Variants in PPP2R5A observed in about 807,000 individuals in gnomAD.
The protein encoded by PPP2R5A is serine/threonine-protein phosphatase 2A 56 kDa regulatory subunit alpha isoform.
In PPP2R5A, 25 loss-of-function variants were observed where a neutral mutation model predicts 64.2. That is an observed-to-expected ratio of 0.39 (90% confidence interval 0.28 to 0.54). The LOEUF (loss-of-function observed/expected upper bound fraction) is 0.54, where lower values mean the gene tolerates loss of function less well. Ranked by LOEUF, PPP2R5A falls within the 20% of genes least tolerant of loss-of-function variation. PPP2R5A has a pLI of 0.67. For synonymous variants in PPP2R5A, 198 were observed against 201.2 expected (o/e 0.98, Z 0.13); for missense variants, 425 against 576.3 (o/e 0.74, Z 2.69).
intron 1 of PPP2R5A, among the ~76,000 whole-genome samples, chr1:212,295,217 A>G (rs974715333): frequency 6.6e-6 from 1 of 152,192 alleles, no homozygotes; most frequent in Non-Finnish European, 1.5e-5. Flanking sequence ...TAATCCAGAC[A>G]AGAGATAAAG....
At chr1:212,316,973 A>T (rs1270029239) in intron 1 of PPP2R5A, among the ~76,000 whole-genome samples, 1 of 152,172 alleles carries the variant, frequency 6.6e-6, no homozygotes, top group African/African-American at 2.4e-5. Context: ...ACTCTTCAGC[A>T]AGTCCAGACT....
intron 1 of PPP2R5A, chr1:212,306,733 C>CCATTTA: frequency 7.3e-6 from 1 of 137,028 alleles, no homozygotes; most frequent in Middle Eastern, 3.5e-3. Context: ...CTTGGTTAAT[C>CCATTTA]CATTTACATT....
intron 1 of PPP2R5A, among the ~76,000 whole-genome samples, chr1:212,296,717 A>G (rs1226274708): frequency 6.6e-6 from 1 of 152,242 alleles, no homozygotes; most frequent in Non-Finnish European, 1.5e-5. Flanking sequence ...TAGATAGTCA[A>G]TGCTGTTTTA....
chr1:212,355,395 CA>C (rs1383896353), intron 8 of PPP2R5A, among the ~76,000 whole-genome samples: 1 of 152,012 alleles, frequency 6.6e-6, no homozygotes, highest in Non-Finnish European at 1.5e-5. Flanking sequence ...GGATTGTCTC[CA>C]AAACAGTATC....
At chr1:212,336,534 C>A (rs1480591920) in intron 3 of PPP2R5A, among the ~76,000 whole-genome samples, 1 of 152,170 alleles carries the variant, frequency 6.6e-6, no homozygotes, top group African/African-American at 2.4e-5. Flanking sequence ...GTTAAAAAAT[C>A]TTTCTGAAAA....
intron 1 of PPP2R5A, among the ~76,000 whole-genome samples, chr1:212,320,393 C>T (rs1259894777): frequency 6.6e-6 from 1 of 152,186 alleles, no homozygotes; most frequent in Non-Finnish European, 1.5e-5. Context: ...CTTTTCCCCA[C>T]CTTTCCCCCC....
Position 212,347,417 on chromosome 1 carries a change from T to C in PPP2R5A, c.764+11T>C. The C allele has an allele frequency of 6.4e-7, 1 of 1,573,536 alleles. No homozygotes were observed. Among genetic ancestry groups the C allele is most frequent in the Non-Finnish European group, 8.7e-7 (1 of 1,148,086 alleles). ...TGAAATATTAGGAAGGTAGGTCAGG[T>C]TTTTTTGTTCTTTTTAAGAATTAAG... On this transcript the variant is annotated intron_variant, in intron 6 of 12. Coordinates refer to ENST00000261461, the MANE Select transcript of PPP2R5A (RefSeq NM_006243.4).
intron 1 of PPP2R5A, among the ~76,000 whole-genome samples, chr1:212,321,453 G>C (rs1237929409): frequency 2.1e-5 from 3 of 145,038 alleles, no homozygotes; most frequent in Non-Finnish European, 4.5e-5. Context: ...CGGGCGGAGG[G>C]GCTCCTCACT....
At chr1:212,337,956 C>A (rs1279325749) in intron 3 of PPP2R5A, among the ~76,000 whole-genome samples, 1 of 152,038 alleles carries the variant, frequency 6.6e-6, no homozygotes, top group African/African-American at 2.4e-5. Flanking sequence ...CAATTAAAAA[C>A]CTTATTTACG....
intron 1 of PPP2R5A, among the ~76,000 whole-genome samples, chr1:212,308,421 T>TC (rs1036634810): frequency 6.6e-6 from 1 of 150,786 alleles, no homozygotes; most frequent in African/African-American, 2.4e-5. Flanking sequence ...TTTTTTTTTT[T>TC]TTTTTGAGAT....
intron 4 of PPP2R5A, among the ~76,000 whole-genome samples, chr1:212,343,472 G>A (rs1412243093): frequency 6.6e-6 from 1 of 152,148 alleles, no homozygotes; most frequent in Non-Finnish European, 1.5e-5. Flanking sequence ...GGTATATTTA[G>A]AGCTGATCTT....
chr1:212,360,527 G>A (rs1660061109), intron 12 of PPP2R5A, 111 bp from the exon 13 acceptor site: 2 of 944,014 alleles, frequency 2.1e-6, no homozygotes, highest in South Asian at 4.2e-5. Context: ...TTAGCAGAGG[G>A]ATTTAAGTGA....
intron 1 of PPP2R5A, among the ~76,000 whole-genome samples, chr1:212,287,411 C>G (rs1437720117): frequency 6.6e-6 from 1 of 152,146 alleles, no homozygotes; most frequent in Non-Finnish European, 1.5e-5. Context: ...TCTCATTTGT[C>G]TTTGGGCCTG....
rs753042875 is a variant in PPP2R5A at position 212,302,846 on chromosome 1, G to A, written c.181+16555G>A. ...TGTGAATGGAATATTATAATATGTC[G>A]TCTTTTGTAATAGGCTTCTTTCATT... On this transcript the variant is annotated intron_variant, in intron 1 of 12. Transcript: ENST00000261461. Among the ~76,000 whole-genome samples, 50 of 152,148 alleles carry A rather than the reference G, an allele frequency of 3.3e-4. No individual in the cohort carries two copies. The Middle Eastern group carries it at 0.01, about 31-fold the overall frequency.
chr1:212,358,816 T>A (rs1395189125), intron 12 of PPP2R5A, 29 bp downstream of exon 12: 1 of 1,535,212 alleles, frequency 6.5e-7, no homozygotes, highest in East Asian at 2.3e-5. Context: ...TACAAAATTA[T>A]CTATACATTT....
Position 212,348,390 on chromosome 1 carries a change from A to G in PPP2R5A, c.766A>G (p.Ile256Val). 5 of 1,596,230 alleles carry G rather than the reference A, an allele frequency of 3.1e-6. No individual in the cohort carries two copies. The highest frequency in any genetic ancestry group is 4.3e-6 in the Non-Finnish European group (5 of 1,165,046). Reference sequence around the variant, plus strand: ...TCCCCTGCCTTTTTTTCCCTCCAGTATTATCAATGGCTTTGCATTGCCACT... The same window carrying G: ...TCCCCTGCCTTTTTTTCCCTCCAGTGTTATCAATGGCTTTGCATTGCCACT... ...VAELLEILGSIINGFALPLKA... is the reference protein window; with the variant it reads ...VAELLEILGSVINGFALPLKA... Residue 256 changes from isoleucine to valine, a missense_variant and splice_region_variant, in exon 7 of 13, where the codon ATT becomes GTT. Coordinates refer to ENST00000261461, the MANE Select transcript of PPP2R5A (RefSeq NM_006243.4).
At chr1:212,325,094 T>TA (rs553213375) in intron 1 of PPP2R5A, among the ~76,000 whole-genome samples, 1 of 152,078 alleles carries the variant, frequency 6.6e-6, no homozygotes, top group Non-Finnish European at 1.5e-5. Flanking sequence ...CTACCCTAGA[T>TA]AAAAAAGAAA....
At chr1:212,357,920 C>CTT (rs1660011602) in intron 11 of PPP2R5A, 1 of 152,356 alleles carries the variant, frequency 6.6e-6, no homozygotes, top group African/African-American at 2.4e-5. Flanking sequence ...CCTCAGCCTC[C>CTT]CGAGTAGCTA....
At chr1:212,305,357 A>G (rs1381076990) in intron 1 of PPP2R5A, among the ~76,000 whole-genome samples, 1 of 150,946 alleles carries the variant, frequency 6.6e-6, no homozygotes, top group Non-Finnish European at 1.5e-5. Context: ...CTGATTTCTA[A>G]CTTCATTCCT....
Sources: allele counts gnomAD v4.1 joint callset (sites outside exome capture counted in the v4.1 genomes callset), GRCh38; gene constraint gnomAD v4.1.1; transcripts MANE v1.5; gene names NCBI Gene and HGNC (gene_info 2026-07-23, HGNC 2026-07-21).